ZNF280C: variants seen among roughly 807,000 people sequenced by gnomAD.
The protein encoded by ZNF280C is zinc finger protein 280C, also known as suppressor of hairy wing homolog 3.
Under a neutral mutation model 53.6 loss-of-function variants are expected in ZNF280C, and 14 were observed. The ratio of observed to expected loss-of-function variants is 0.26; its 90% confidence interval spans 0.17 to 0.41. The LOEUF is 0.41. Among genes scored for constraint, ZNF280C ranks in the 10% least tolerant of loss-of-function variants. ZNF280C has a pLI of 1.00. For missense variants in ZNF280C, 416 were observed against 547.1 expected, an observed-to-expected ratio of 0.76 and a Z score of 2.39; for synonymous variants, 203 against 181.1, an observed-to-expected ratio of 1.12 and a Z score of -0.97.
At chrX:130,207,453 G>A (rs1411060569) in intron 16 of ZNF280C, among the ~76,000 whole-genome samples, 2 of 111,188 alleles carry the variant, frequency 1.8e-5, no homozygotes, top group South Asian at 3.8e-4. Context: ...TCCACCTCCC[G>A]GGTTCAAGTG....
At chrX:130,264,838 T>C (rs777010603) in intron 1 of ZNF280C, among the ~76,000 whole-genome samples, 46 of 111,867 alleles carry the variant, frequency 4.1e-4, no homozygotes, top group African/African-American at 1.4e-3. Flanking sequence ...ACTCTGAGAA[T>C]GTTTCAAACA....
At chrX:130,264,041 A>AG (rs55749711) in intron 1 of ZNF280C, among the ~76,000 whole-genome samples, 1 of 103,352 alleles carries the variant, frequency 9.7e-6, no homozygotes, top group Non-Finnish European at 2.0e-5. Context: ...AAAAAAAAAA[A>AG]GAAAAGAAAG....
chrX:130,226,439 A>G (rs1008298247), intron 12 of ZNF280C, among the ~76,000 whole-genome samples: 1 of 111,781 alleles, frequency 8.9e-6, no homozygotes, highest in South Asian at 3.8e-4. Context: ...TGAAATATCT[A>G]ACCTAAATAT....
chrX:130,257,671 C>A (rs1603246341), intron 2 of ZNF280C, among the ~76,000 whole-genome samples: 2 of 111,935 alleles, frequency 1.8e-5, no homozygotes, highest in African/African-American at 6.5e-5. Context: ...TGTGCTCACA[C>A]ATACACACCT....
At position 130,246,654 on chromosome X, in the gene ZNF280C, C is replaced by T. The variant is rs141580811; in HGVS notation, c.178+205G>A. ...CTTAGTTATTTCCTTTTGCTCACAT[C>T]TGATATTTTAACCTTTCACCTCCTT... On this transcript the variant is annotated intron_variant, in intron 3 of 18. Transcript: ENST00000370978. Among the ~76,000 whole-genome samples, 8 of 112,047 alleles carry T rather than the reference C, an allele frequency of 7.1e-5. 1 individual carries two copies. In the East Asian group the frequency reaches 1.9e-3, roughly 27 times the overall value.
chrX:130,226,664 TATAG>T (rs1256111156), intron 12 of ZNF280C, 91 bp downstream of exon 12: 19 of 900,188 alleles, frequency 2.1e-5, no homozygotes, highest in South Asian at 1.8e-4. Context: ...TGTTCTACGT[TATAG>T]ATAGATATAG....
intron 2 of ZNF280C, among the ~76,000 whole-genome samples, chrX:130,255,434 C>A (rs1415720524): frequency 1.9e-5 from 2 of 106,038 alleles, no homozygotes; most frequent in African/African-American, 6.9e-5. Context: ...GCCACCGCGC[C>A]CGGCCGAAAA....
chrX:130,218,460 A>G (rs745933161), intron 13 of ZNF280C, among the ~76,000 whole-genome samples: 8 of 112,036 alleles, frequency 7.1e-5, no homozygotes, highest in Non-Finnish European at 3.8e-5. Context: ...TTGGAAAAAG[A>G]AAATGTTTGT....
chrX:130,259,636 A>G (rs1344883075), intron 2 of ZNF280C, among the ~76,000 whole-genome samples: 1 of 112,715 alleles, frequency 8.9e-6, no homozygotes, highest in Non-Finnish European at 1.9e-5. Flanking sequence ...GAAACATTTC[A>G]TATCTATTAC....
At chrX:130,215,169 T>C (rs1603239993) in intron 15 of ZNF280C, 24 bp downstream of exon 15, 2 of 1,198,911 alleles carry the variant, frequency 1.7e-6, no homozygotes, top group East Asian at 3.0e-5. Flanking sequence ...AAATTCTGAT[T>C]GGCAGTTTAC....
At chrX:130,218,323 G>T (rs1215839281) in intron 13 of ZNF280C, among the ~76,000 whole-genome samples, 1 of 111,784 alleles carries the variant, frequency 8.9e-6, no homozygotes, top group Non-Finnish European at 1.9e-5. Context: ...CTTCCTGGGG[G>T]ATCAGGGGGC....
chrX:130,245,198 T>C (rs1260167715), intron 3 of ZNF280C, among the ~76,000 whole-genome samples: 1 of 111,370 alleles, frequency 9.0e-6, no homozygotes, highest in East Asian at 2.8e-4. Context: ...GTGGGCCCAA[T>C]ACCCTTTTTG....
At chrX:130,229,396 T>C (rs1223444959) in intron 9 of ZNF280C, among the ~76,000 whole-genome samples, 1 of 111,973 alleles carries the variant, frequency 8.9e-6, no homozygotes, top group Non-Finnish European at 1.9e-5. Flanking sequence ...TGTAACACTA[T>C]ATCATTATTT....
At chrX:130,240,494 A>G (rs2032378661) in intron 5 of ZNF280C, among the ~76,000 whole-genome samples, 1 of 112,093 alleles carries the variant, frequency 8.9e-6, no homozygotes, top group Non-Finnish European at 1.9e-5. Flanking sequence ...ACTTAATTGT[A>G]ACCAAGTGCA....
At chrX:130,231,173 T>C (rs1406196143) in intron 8 of ZNF280C, among the ~76,000 whole-genome samples, 1 of 111,820 alleles carries the variant, frequency 8.9e-6, no homozygotes, top group Non-Finnish European at 1.9e-5. Context: ...GAACTAAAAA[T>C]GGAACTACCA....
chrX:130,203,295 A>G lies in ZNF280C; in HGVS notation c.*1682T>C, dbSNP rs1272896730. 8.9e-6 allele frequency: 1 copy of G among 111,899 alleles called. No individual in the cohort carries two copies. Among genetic ancestry groups the G allele is most frequent in the Non-Finnish European group, 1.9e-5 (1 of 53,238 alleles). The allele number at this position is 111,899 out of a possible 1,213,427, so 9.2% of individuals were successfully genotyped here. A position where few individuals can be genotyped will look rare whatever the true frequency, so the allele number is the denominator to read the frequency against. The stretch of plus-strand genomic sequence containing the variant: ...CAAAGAAGTGATGGAAAAATAAAAT[A>G]GAGTAAAATAAATTTAAGAACAATA... On this transcript the variant is annotated 3_prime_UTR_variant, in exon 19 of 19. Coordinates refer to ENST00000370978, the MANE Select transcript of ZNF280C (RefSeq NM_017666.5).
At chrX:130,237,658 T>C (rs1215823572) in intron 6 of ZNF280C, among the ~76,000 whole-genome samples, 1 of 111,500 alleles carries the variant, frequency 9.0e-6, no homozygotes, top group Non-Finnish European at 1.9e-5. Flanking sequence ...AGTAGATATA[T>C]GCCAGGAAAG....
intron 2 of ZNF280C, among the ~76,000 whole-genome samples, chrX:130,260,136 G>A (rs2032615449): frequency 9.1e-6 from 1 of 110,183 alleles, no homozygotes; most frequent in South Asian, 4.0e-4. Context: ...CAAAAAATTA[G>A]CTGGGTGTGG....
chrX:130,246,579 A>C, intron 3 of ZNF280C, among the ~76,000 whole-genome samples: 1 of 112,416 alleles, frequency 8.9e-6, no homozygotes, highest in Middle Eastern at 4.6e-3. Context: ...TATGATTTCC[A>C]ATCTCAGAAG....
Sources: gnomAD v4.1 joint callset for allele counts (sites outside exome capture counted in the v4.1 genomes callset) on GRCh38, gnomAD v4.1.1 for gene constraint, MANE v1.5 for transcripts, NCBI Gene and HGNC (gene_info 2026-07-23, HGNC 2026-07-21) for gene names.